The following CPNE6 variants were observed in gnomAD, a reference collection of about 807,000 sequenced individuals.
CPNE6 encodes the protein copine-6.
In CPNE6, 33 loss-of-function variants were observed where a neutral mutation model predicts 71.5. That is an observed-to-expected ratio of 0.46 (90% CI 0.35 to 0.62). The LOEUF is 0.62. CPNE6 is among the 20% of genes least tolerant of loss of function. The probability of loss-of-function intolerance (pLI) is 0.00; values close to 1 mark genes in which losing one functional copy is unlikely to be tolerated. For missense variants in CPNE6, 576 were observed against 747.3 expected, an observed-to-expected ratio of 0.77 and a Z score of 2.67; for synonymous variants, 296 against 293.0, an observed-to-expected ratio of 1.01 and a Z score of -0.10.
chr14:24,076,548 G>A, exon 14 of CPNE6: 1 of 1,614,134 alleles, frequency 6.2e-7, no homozygotes, highest in Non-Finnish European at 8.5e-7. Context: ...GGAAAATCCT[G>A]AATGTGAAGG....
At position 24,075,646 on chromosome 14, in the gene CPNE6, C is replaced by G. The variant is rs374316372; in HGVS notation, c.864+55C>G. 1 of 1,481,540 alleles carries G rather than the reference C, an allele frequency of 6.7e-7. No individual in the cohort carries two copies. Among genetic ancestry groups the G allele is most frequent in the African/African-American group, 1.4e-5 (1 of 72,238 alleles). The allele number at this position is 1,481,540 out of a possible 1,614,324, so 91.8% of individuals were successfully genotyped here. A position where few individuals can be genotyped will look rare whatever the true frequency, so the allele number is the denominator to read the frequency against. On this transcript the variant is annotated intron_variant, in intron 10 of 17. Transcript: ENST00000397016. The surrounding 1 kb of genome is among the most constrained non-coding windows in gnomAD (Gnocchi z 4.3). ...CCCCAGCCCCTGCCCCTACCACACTCTCAGGTTCAACCCTTCCCTTGTTTC... is the reference window on the plus strand; with the variant it reads ...CCCCAGCCCCTGCCCCTACCACACTGTCAGGTTCAACCCTTCCCTTGTTTC...
Position 24,076,452 on chromosome 14 carries a change from G to A in CPNE6, c.1113+38G>A, listed in dbSNP as rs200258153. 1.1e-4 allele frequency: 170 copies of A among 1,614,192 alleles called. No homozygotes were observed. The African/African-American group carries it at 1.8e-3, about 17-fold the overall frequency. ...CGAGGGAAAGAAGGAGATGGGGGGC[G>A]TGTCAGTCAGGCAGAAAAGGCAGGC... On this transcript the variant is annotated intron_variant, in intron 13 of 17. Transcript: ENST00000397016.
Position 24,077,837 on chromosome 14 carries a change from G to C in CPNE6, c.*38-51G>C. On this transcript the variant is annotated intron_variant, in intron 17 of 17. Coordinates refer to ENST00000397016, the Ensembl canonical transcript of CPNE6. This position sits in a 1 kb window ranked among gnomAD's most constrained non-coding sequence, Gnocchi z 6.1. ...GTGGGGCTTGGTAGAGCCCAACTAG[G>C]CTGGGTGTAGTGTAGAAGAGAGTGC... 7.9e-7 allele frequency: 1 copy of C among 1,265,704 alleles called. No individual in the cohort carries two copies. Among genetic ancestry groups the C allele is most frequent in the Non-Finnish European group, 1.0e-6 (1 of 952,404 alleles). 78.4% of individuals were successfully genotyped at this position (1,265,704 alleles called of 1,614,324 possible).
intron 1 of CPNE6, chr14:24,071,136 G>C: frequency 7.9e-7 from 1 of 1,261,652 alleles, no homozygotes; most frequent in Non-Finnish European, 1.1e-6. Flanking sequence ...TGTGAGAAGG[G>C]GTATGTTTCC....
At chr14:24,071,447 G>T in intron 1 of CPNE6, 115 bp from the exon 1 acceptor site, 1 of 1,501,830 alleles carries the variant, frequency 6.7e-7, no homozygotes, top group Non-Finnish European at 8.9e-7. Context: ...CTGTGGCCCT[G>T]CCCCTTCCCT....
Position 24,077,102 on chromosome 14 carries a change from C to A in CPNE6, c.1300-52C>A. 6.3e-7 allele frequency: 1 copy of A among 1,594,438 alleles called. No individual in the cohort carries two copies. Among genetic ancestry groups the A allele is most frequent in the South Asian group, 1.1e-5 (1 of 90,432 alleles). ...GTCTGCACCTTGGTGGAAACGGTGT[C>A]AACGCCCTTGCACACAAAGCCAACC... is the stretch of plus-strand genomic sequence containing the variant. On this transcript the variant is annotated intron_variant, in intron 15 of 17. Transcript: ENST00000397016. This position sits in a 1 kb window ranked among gnomAD's most constrained non-coding sequence, Gnocchi z 6.1.
Position 24,077,808 on chromosome 14 carries a change from C to A in CPNE6, c.*37+41C>A. On this transcript the variant is annotated intron_variant, in intron 17 of 17. Transcript: ENST00000397016. This position sits in a 1 kb window ranked among gnomAD's most constrained non-coding sequence, Gnocchi z 6.1. Reference sequence around the variant, plus strand: ...TCCAAAGGAGTGGACACAGGGGGTGCAAAGTGGGGCTTGGTAGAGCCCAAC... The same window carrying A: ...TCCAAAGGAGTGGACACAGGGGGTGAAAAGTGGGGCTTGGTAGAGCCCAAC... 2 of 1,415,810 alleles carry A rather than the reference C, an allele frequency of 1.4e-6. No homozygotes were observed. The highest frequency in any genetic ancestry group is 1.9e-6 in the Non-Finnish European group (2 of 1,078,422). The allele number at this position is 1,415,810 out of a possible 1,614,324, so 87.7% of individuals were successfully genotyped here. A position where few individuals can be genotyped will look rare whatever the true frequency, so the allele number is the denominator to read the frequency against.
At position 24,073,450 on chromosome 14, in the gene CPNE6, T is replaced by C; in HGVS notation, c.169-49T>C. ...TAGGGCAGTCCAGGACAGGGAAAAG[T>C]ATCCTCGGTTCCCAGACAGCCCTCG... On this transcript the variant is annotated intron_variant, in intron 3 of 17. Coordinates refer to ENST00000397016, the Ensembl canonical transcript of CPNE6. This position sits in a 1 kb window ranked among gnomAD's most constrained non-coding sequence, Gnocchi z 5.5. 8 of 1,582,572 alleles carry C rather than the reference T, an allele frequency of 5.1e-6. No homozygotes were observed. Among genetic ancestry groups the C allele is most frequent in the Non-Finnish European group, 6.9e-6 (8 of 1,162,912 alleles).
At position 24,077,805 on chromosome 14, in the gene CPNE6, G is replaced by T. The variant is rs1023075432; in HGVS notation, c.*37+38G>T. ...GCTTCCAAAGGAGTGGACACAGGGG[G>T]TGCAAAGTGGGGCTTGGTAGAGCCC... On this transcript the variant is annotated intron_variant, in intron 17 of 17. Coordinates refer to ENST00000397016, the Ensembl canonical transcript of CPNE6. The surrounding 1 kb of genome is among the most constrained non-coding windows in gnomAD (Gnocchi z 6.1). The T allele has an allele frequency of 8.4e-6, 12 of 1,426,780 alleles. No individual in the cohort carries two copies. The highest frequency in any genetic ancestry group is 9.2e-6 in the Non-Finnish European group (10 of 1,086,558). 88.4% of individuals were successfully genotyped at this position (1,426,780 alleles called of 1,614,324 possible). A position where few individuals can be genotyped will look rare whatever the true frequency, so the allele number is the denominator to read the frequency against.
Position 24,075,149 on chromosome 14 carries a change from C to A in CPNE6, c.673-23C>A. On this transcript the variant is annotated intron_variant, in intron 8 of 17. Coordinates refer to ENST00000397016, the Ensembl canonical transcript of CPNE6. This position sits in a 1 kb window ranked among gnomAD's most constrained non-coding sequence, Gnocchi z 4.3. ...CCGCAGAGCATCTCCAACCTGACCC[C>A]ACCCCTCCCCCTGCCTTCTCAGTTC... The A allele has an allele frequency of 6.3e-7, 1 of 1,579,370 alleles. No homozygotes were observed. Among genetic ancestry groups the A allele is most frequent in the Non-Finnish European group, 8.7e-7 (1 of 1,148,260 alleles).
exon 3 of CPNE6, chr14:24,072,998 G>A (rs746048625): frequency 1.3e-5 from 21 of 1,585,970 alleles, no homozygotes; most frequent in East Asian, 4.7e-5. Flanking sequence ...GGGGCCTCTC[G>A]GGTGGAGCTG....
chr14:24,076,208 C>A lies in CPNE6; in HGVS notation c.984C>A (p.Cys328Ter). The A allele has an allele frequency of 6.2e-7, 1 of 1,614,222 alleles. No individual in the cohort carries two copies. The highest frequency in any genetic ancestry group is 8.5e-7 in the Non-Finnish European group (1 of 1,180,028). Residue 328 changes from cysteine (C) to a stop codon, truncating the protein, a stop_gained, in exon 12 of 18, where the codon TGC (cysteine) becomes TGA (stop). Coordinates refer to ENST00000397016, the Ensembl canonical transcript of CPNE6. LOFTEE classifies it high-confidence loss of function. ...CGAGGAGCAGCCAGTCCCTGCACTG[C>A]CTCAGTCCCCGACAGCCCAACCACT...
rs1382789574 is a variant in CPNE6, at chr14:24,073,685, A to G, written c.348+7A>G. On this transcript the variant is annotated splice_region_variant and intron_variant, in intron 4 of 17. Coordinates refer to ENST00000397016, the Ensembl canonical transcript of CPNE6. The surrounding 1 kb of genome is among the most constrained non-coding windows in gnomAD (Gnocchi z 5.5). ...GGAGTGCACCTTGGGCCAGGTCTGC[A>G]TTCCCGGCCTCCCCGGCTACCCTAC... is the stretch of plus-strand genomic sequence containing the variant. The G allele has an allele frequency of 6.2e-7, 1 of 1,608,752 alleles. No homozygotes were observed. The highest frequency in any genetic ancestry group is 2.2e-5 in the East Asian group (1 of 44,796).
intron 14 of CPNE6, 91 bp downstream of exon 13, chr14:24,076,648 T>C: frequency 6.4e-7 from 1 of 1,554,554 alleles, no homozygotes; most frequent in Non-Finnish European, 8.8e-7. Flanking sequence ...CAGCTTCCTG[T>C]CCCTTCCACC....
At position 24,075,709 on chromosome 14, in the gene CPNE6, C is replaced by T; in HGVS notation, c.864+118C>T. ...CTCTGCTTCTGGGAACTGGAAACCA[C>T]CCCCAACTGCAACCCAAAAAACTCT... is the stretch of plus-strand genomic sequence containing the variant. On this transcript the variant is annotated intron_variant, in intron 10 of 17. Transcript: ENST00000397016. This position sits in a 1 kb window ranked among gnomAD's most constrained non-coding sequence, Gnocchi z 4.3. The T allele has an allele frequency of 1.5e-6, 2 of 1,342,410 alleles. No individual in the cohort carries two copies. The highest frequency in any genetic ancestry group is 1.9e-5 in the Admixed American group (1 of 52,648). 83.2% of individuals were successfully genotyped at this position (1,342,410 alleles called of 1,614,324 possible).
chr14:24,077,905 C>T lies in CPNE6; in HGVS notation c.*55C>T, dbSNP rs1390882633. The T allele has an allele frequency of 9.6e-6, 6 of 624,918 alleles. No individual in the cohort carries two copies. The highest frequency in any genetic ancestry group is 9.2e-5 in the East Asian group (3 of 32,560). 38.7% of individuals were successfully genotyped at this position (624,918 alleles called of 1,614,324 possible). A position where few individuals can be genotyped will look rare whatever the true frequency, so the allele number is the denominator to read the frequency against. ...CCTCCCAGGTGCCTGTCCTGACCCTCGTGACTCCAGTGACCAATGCCTCCA... is the reference window on the plus strand; with the variant it reads ...CCTCCCAGGTGCCTGTCCTGACCCTTGTGACTCCAGTGACCAATGCCTCCA... On this transcript the variant is annotated 3_prime_UTR_variant, in exon 18 of 18. Coordinates refer to ENST00000397016, the Ensembl canonical transcript of CPNE6. This position sits in a 1 kb window ranked among gnomAD's most constrained non-coding sequence, Gnocchi z 6.1.
At chr14:24,071,199 G>A in intron 1 of CPNE6, 1 of 990,364 alleles carries the variant, frequency 1.0e-6, no homozygotes, top group African/African-American at 1.6e-5. Context: ...GTGAGTTTAT[G>A]TACTGGCGCC....
chr14:24,077,802 G>C lies in CPNE6; in HGVS notation c.*37+35G>C, dbSNP rs113479186. ...GGGGCTTCCAAAGGAGTGGACACAG[G>C]GGGTGCAAAGTGGGGCTTGGTAGAG... On this transcript the variant is annotated intron_variant, in intron 17 of 17. Transcript: ENST00000397016. This position sits in a 1 kb window ranked among gnomAD's most constrained non-coding sequence, Gnocchi z 6.1. 2,404 of 1,437,146 alleles carry C rather than the reference G, an allele frequency of 1.7e-3. 37 individuals are homozygous for C. The African/African-American group carries it at 0.03, about 18-fold the overall frequency. 89.0% of individuals were successfully genotyped at this position (1,437,146 alleles called of 1,614,324 possible). A position where few individuals can be genotyped will look rare whatever the true frequency, so the allele number is the denominator to read the frequency against.
Position 24,077,699 on chromosome 14 carries a change from C to CA in CPNE6, c.1644dup (p.Leu549ThrfsTer8). On this transcript the variant is annotated frameshift_variant, in exon 17 of 18. Transcript: ENST00000397016. LOFTEE classifies it high-confidence loss of function. This position sits in a 1 kb window ranked among gnomAD's most constrained non-coding sequence, Gnocchi z 6.1. ...AGCCCTGGGGCTCCCAGGCCCTGCA[C>CA]ACTGGCTACGACTCCCAGCCCTAGC... The CA allele has an allele frequency of 6.4e-7, 1 of 1,557,954 alleles. No homozygotes were observed. Among genetic ancestry groups the CA allele is most frequent in the Non-Finnish European group, 8.7e-7 (1 of 1,154,518 alleles).
Sources: gnomAD v4.1 joint callset for allele counts on GRCh38, gnomAD v4.1.1 for gene constraint, Gnocchi (gnomAD v3.1) non-coding constraint, MANE v1.5 for transcripts, NCBI Gene and HGNC (gene_info 2026-07-23, HGNC 2026-07-21) for gene names.